The following CDK14 variants were observed in gnomAD, a reference collection of about 807,000 sequenced individuals.
CDK14 encodes the protein cyclin dependent kinase 14, also known as cyclin-dependent kinase 14.
In CDK14, 34 loss-of-function variants were observed where a neutral mutation model predicts 60.7. That is an observed-to-expected ratio of 0.56 (90% CI 0.43 to 0.75). The LOEUF (loss-of-function observed/expected upper bound fraction) is 0.75. CDK14 is among the 30% of genes least tolerant of loss of function. The pLI is 0.00. For missense variants in CDK14, 482 were observed against 564.1 expected, an observed-to-expected ratio of 0.85 and a Z score of 1.47; for synonymous variants, 197 against 203.7, an observed-to-expected ratio of 0.97 and a Z score of 0.28.
intron 3 of CDK14, among the ~76,000 whole-genome samples, chr7:90,746,125 G>A (rs1234637633): frequency 6.6e-6 from 1 of 152,108 alleles, no homozygotes; most frequent in African/African-American, 2.4e-5. Flanking sequence ...TTATTTAATA[G>A]TCTTCCCCTA....
chr7:90,744,639 G>C (rs1308442964), intron 3 of CDK14, among the ~76,000 whole-genome samples: 1 of 148,794 alleles, frequency 6.7e-6, no homozygotes, highest in Non-Finnish European at 1.5e-5. Flanking sequence ...TGGGCCGGGG[G>C]CTGACCCCCC....
intron 14 of CDK14, among the ~76,000 whole-genome samples, chr7:91,166,348 C>G (rs1245420287): frequency 2.0e-5 from 3 of 152,110 alleles, no homozygotes; most frequent in Non-Finnish European, 2.9e-5. Context: ...CATAAATACA[C>G]CATTGAGGAG....
rs1584050135 is a variant in CDK14 at position 91,094,992 on chromosome 7, A to T, written c.1154+15512A>T. On this transcript the variant is annotated intron_variant, in intron 12 of 14. Coordinates refer to ENST00000380050, the MANE Select transcript of CDK14 (RefSeq NM_001287135.2). Reference sequence around the variant, plus strand: ...GAAACATCTGTTAGCGGCCATAAAGATGTCATGGAACATTCAAGAAATTTA... The same window carrying T: ...GAAACATCTGTTAGCGGCCATAAAGTTGTCATGGAACATTCAAGAAATTTA... 2.0e-5 allele frequency among the ~76,000 whole-genome samples: 3 copies of T among 152,206 alleles called. No individual in the cohort carries two copies. In the South Asian group the frequency reaches 6.2e-4, roughly 31 times the overall value.
chr7:90,598,703 G>GGTTTTTTTTTTTTTTT (rs1563010964), intron 1 of CDK14, among the ~76,000 whole-genome samples: 1 of 18,624 alleles, frequency 5.4e-5, no homozygotes, highest in African/African-American at 2.2e-4. Flanking sequence ...ATTATCTAAG[G>GGTTTTTTTTTTTTTTT]ATTTTTTTTT....
chr7:91,092,771 A>G (rs1427191468), intron 12 of CDK14, among the ~76,000 whole-genome samples: 2 of 152,208 alleles, frequency 1.3e-5, no homozygotes, highest in African/African-American at 4.8e-5. Context: ...AGGTACCACT[A>G]CTTAACTCTT....
intron 12 of CDK14, among the ~76,000 whole-genome samples, chr7:91,103,050 C>T (rs1799188575): frequency 1.3e-5 from 2 of 152,074 alleles, no homozygotes; most frequent in African/African-American, 4.8e-5. Context: ...GTTCAGGGTT[C>T]GAGACCAGTC....
At chr7:90,729,333 T>C (rs889172988) in intron 3 of CDK14, among the ~76,000 whole-genome samples, 2 of 141,428 alleles carry the variant, frequency 1.4e-5, no homozygotes, top group African/African-American at 2.7e-5. Context: ...TTGGATCATG[T>C]AGGTATCAAG....
At chr7:90,877,915 G>A (rs764539945) in intron 6 of CDK14, among the ~76,000 whole-genome samples, 1 of 152,068 alleles carries the variant, frequency 6.6e-6, no homozygotes, top group African/African-American at 2.4e-5. Flanking sequence ...TTGTCATCAC[G>A]ACACCTGTAT....
At position 90,912,643 on chromosome 7, in the gene CDK14, G is replaced by A. The variant is rs370169137; in HGVS notation, c.703-4958G>A. Among the ~76,000 whole-genome samples, 17 of 152,200 alleles carry A rather than the reference G, an allele frequency of 1.1e-4. No homozygotes were observed. The East Asian group carries it at 2.5e-3, about 22-fold the overall frequency. On this transcript the variant is annotated intron_variant, in intron 7 of 14. Transcript: ENST00000380050. ...TTGTTTTTGAGGCAGAGTCTCACTT[G>A]GTCGCTCAGGCTGGAATGCAGTGGT...
chr7:91,086,808 C>G (rs768517853), intron 12 of CDK14, among the ~76,000 whole-genome samples: 2 of 152,106 alleles, frequency 1.3e-5, no homozygotes, highest in Non-Finnish European at 2.9e-5. Context: ...TATGTGATAC[C>G]TTTCCTCAAA....
chr7:90,656,636 C>A (rs1800757049), intron 2 of CDK14, among the ~76,000 whole-genome samples: 2 of 152,132 alleles, frequency 1.3e-5, no homozygotes, highest in Middle Eastern at 3.2e-3. Flanking sequence ...CCTCGGCCTC[C>A]CAAAGTGCTA....
intron 2 of CDK14, among the ~76,000 whole-genome samples, chr7:90,607,635 A>G (rs1358157321): frequency 1.3e-5 from 2 of 152,176 alleles, no homozygotes; most frequent in African/African-American, 4.8e-5. Flanking sequence ...TTGTGAGCAC[A>G]CGTGTGTGTT....
chr7:91,076,986 T>G (rs1798336386), intron 11 of CDK14, among the ~76,000 whole-genome samples: 1 of 152,146 alleles, frequency 6.6e-6, no homozygotes, highest in East Asian at 1.9e-4. Context: ...TATTAAAAAG[T>G]CAAGATACAG....
At chr7:90,983,641 C>T (rs1049971490) in intron 9 of CDK14, among the ~76,000 whole-genome samples, 1 of 149,930 alleles carries the variant, frequency 6.7e-6, no homozygotes, top group African/African-American at 2.5e-5. Context: ...GATCGCGCCA[C>T]TGCACTCCAG....
intron 4 of CDK14, among the ~76,000 whole-genome samples, chr7:90,783,182 T>C (rs1805418402): frequency 6.6e-6 from 1 of 152,204 alleles, no homozygotes; most frequent in Admixed American, 6.5e-5. Flanking sequence ...CATGCTTTAG[T>C]AGCAATCAAT....
Position 91,117,992 on chromosome 7 carries a change from A to G in CDK14, c.1295-73A>G, listed in dbSNP as rs1360964379. On this transcript the variant is annotated intron_variant, in intron 13 of 14. Coordinates refer to ENST00000380050, the MANE Select transcript of CDK14 (RefSeq NM_001287135.2). ...CATCCAAACTTGCATCTCAGTCTCC[A>G]TTTTTTTAAAAAAAAAACATGATTA... 5 of 733,314 alleles carry G rather than the reference A, an allele frequency of 6.8e-6. No individual in the cohort carries two copies. The East Asian group carries it at 1.3e-4, about 18-fold the overall frequency. The allele number at this position is 733,314 out of a possible 1,614,324, so 45.4% of individuals were successfully genotyped here.
chr7:90,612,521 C>T (rs1799562708), intron 2 of CDK14, among the ~76,000 whole-genome samples: 1 of 152,042 alleles, frequency 6.6e-6, no homozygotes, highest in Non-Finnish European at 1.5e-5. Context: ...CCTGTAATCC[C>T]AACACTATGG....
intron 5 of CDK14, among the ~76,000 whole-genome samples, chr7:90,851,505 T>A (rs1026573103): frequency 6.6e-6 from 1 of 152,110 alleles, no homozygotes; most frequent in Non-Finnish European, 1.5e-5. Flanking sequence ...GAGCTGCCTG[T>A]CTCTTATGGA....
chr7:90,958,708 T>C (rs931303816), intron 9 of CDK14, among the ~76,000 whole-genome samples: 13 of 152,184 alleles, frequency 8.5e-5, no homozygotes, highest in African/African-American at 2.9e-4. Context: ...TCTGCAGATA[T>C]TCATTACTTA....
Sources: allele counts gnomAD v4.1 joint callset (sites outside exome capture counted in the v4.1 genomes callset), GRCh38; gene constraint gnomAD v4.1.1; transcripts MANE v1.5; gene names NCBI Gene and HGNC (gene_info 2026-07-23, HGNC 2026-07-21).